Variants in FAR1 observed in about 807,000 individuals in gnomAD.
The protein encoded by FAR1 is male sterility domain-containing protein 2.
FAR1 carries 22 observed loss-of-function variants against 61.1 expected under a neutral mutation model. The observed-to-expected ratio is 0.36, with a 90% CI of 0.26 to 0.51. The LOEUF is 0.51. FAR1 is among the 20% of genes least tolerant of loss of function. FAR1 has a pLI of 0.95. For missense variants in FAR1, 359 were observed against 626.9 expected (o/e 0.57, Z 4.56); for synonymous variants, 206 against 209.7 (o/e 0.98, Z 0.15).
At chr11:13,681,967 A>G (rs1029353086) in intron 1 of FAR1, among the ~76,000 whole-genome samples, 3 of 152,168 alleles carry the variant, frequency 2.0e-5, no homozygotes, top group African/African-American at 7.2e-5. Context: ...TGACAGGATT[A>G]TGTTATGTGC....
rs375685986 is a variant in FAR1 at position 13,674,308 on chromosome 11, CAAAAAAAA to C, written c.-8+5511_-8+5518del. ...TGGACAACAGAGCAAGACTCCGTCT[CAAAAAAAA>C]AAAAAAAAGAAAAAAAGAAAATTCA... On this transcript the variant is annotated intron_variant, in intron 1 of 11. Transcript: ENST00000354817. Among the ~76,000 whole-genome samples, 260 of 69,424 alleles carry C rather than the reference CAAAAAAAA, an allele frequency of 3.7e-3. 1 individual carries two copies. Among genetic ancestry groups the C allele is most frequent in the Middle Eastern group, 0.021 (2 of 94 alleles). 45.5% of individuals were successfully genotyped at this position (69,424 alleles called of 152,430 possible).
intron 1 of FAR1, among the ~76,000 whole-genome samples, chr11:13,675,351 C>G (rs143865404): frequency 6.6e-6 from 1 of 152,248 alleles, no homozygotes; most frequent in African/African-American, 2.4e-5. Context: ...AGAACTTAAA[C>G]AAGTGGCGAT....
intron 1 of FAR1, among the ~76,000 whole-genome samples, chr11:13,691,922 C>T (rs982090223): frequency 1.3e-5 from 2 of 152,168 alleles, no homozygotes; most frequent in African/African-American, 4.8e-5. Context: ...AATCCTAGCA[C>T]TTTGGGAGGC....
chr11:13,671,825 G>A (rs1848008109), intron 1 of FAR1, among the ~76,000 whole-genome samples: 1 of 152,178 alleles, frequency 6.6e-6, no homozygotes, highest in Non-Finnish European at 1.5e-5. Flanking sequence ...GCCAGGCACT[G>A]TAGTAAGTGC....
chr11:13,717,716 T>C (rs530197190), intron 9 of FAR1, among the ~76,000 whole-genome samples: 4 of 152,176 alleles, frequency 2.6e-5, no homozygotes, highest in Non-Finnish European at 5.9e-5. Context: ...ACATGCGGTT[T>C]TTGTTGAAGC....
In FAR1 at chr11:13,723,172, C is replaced by T. The variant is rs576296662; in HGVS notation, c.1257+1313C>T. Among the ~76,000 whole-genome samples, 6 of 151,696 alleles carry T rather than the reference C, an allele frequency of 4.0e-5. No homozygotes were observed. In the East Asian group the frequency reaches 7.8e-4, roughly 20 times the overall value. ...TCGAGGCCAGGAGTTCAAGACCAGC[C>T]TGGGCAATGTAGCGAGACCCATCTC... On this transcript the variant is annotated intron_variant, in intron 10 of 11. Coordinates refer to ENST00000354817, the MANE Select transcript of FAR1 (RefSeq NM_032228.6).
intron 8 of FAR1, among the ~76,000 whole-genome samples, chr11:13,714,147 A>T (rs956893649): frequency 1.3e-5 from 2 of 151,604 alleles, no homozygotes; most frequent in Non-Finnish European, 2.9e-5. Flanking sequence ...TTTTTAAGTA[A>T]GTACAGTAAT....
At chr11:13,684,269 A>C (rs149018101) in intron 1 of FAR1, among the ~76,000 whole-genome samples, 3 of 152,014 alleles carry the variant, frequency 2.0e-5, no homozygotes, top group African/African-American at 4.8e-5. Flanking sequence ...AAGAAATGGA[A>C]TGAATTTAAG....
chr11:13,722,523 G>C (rs967162907), intron 10 of FAR1, among the ~76,000 whole-genome samples: 1 of 151,430 alleles, frequency 6.6e-6, no homozygotes, highest in Non-Finnish European at 1.5e-5. Flanking sequence ...GCCCAGGCTG[G>C]AGTGCAATGG....
Position 13,710,725 on chromosome 11 carries a change from C to G in FAR1, c.578C>G (p.Thr193Arg). ...WMDDGLVNDI[T>R]PKLIGDRPNT... ...GATGATGGCCTAGTAAATGATATCA[C>G]GCCAAAATTGATAGGAGACAGACCT... Residue 193 changes from threonine to arginine, a missense_variant, in exon 5 of 12, where the codon ACG (threonine) becomes AGG (arginine). Coordinates refer to ENST00000354817, the MANE Select transcript of FAR1 (RefSeq NM_032228.6). The G allele has an allele frequency of 6.2e-7, 1 of 1,600,604 alleles. No individual in the cohort carries two copies. Among genetic ancestry groups the G allele is most frequent in the Non-Finnish European group, 8.5e-7 (1 of 1,176,560 alleles).
At chr11:13,692,300 A>G (rs117739394) in intron 1 of FAR1, among the ~76,000 whole-genome samples, 5,296 of 152,332 alleles carry the variant, frequency 0.035, 137 homozygotes, top group South Asian at 0.096. Flanking sequence ...GAACAATGAA[A>G]TGCTTCTGGT....
At chr11:13,718,740 T>C (rs1041160433) in intron 9 of FAR1, among the ~76,000 whole-genome samples, 8 of 152,208 alleles carry the variant, frequency 5.3e-5, no homozygotes, top group African/African-American at 1.9e-4. Flanking sequence ...CTAGAAGGGT[T>C]AGCTTGATGG....
intron 1 of FAR1, among the ~76,000 whole-genome samples, chr11:13,682,859 AC>A (rs1565339729): frequency 6.6e-6 from 1 of 151,428 alleles, no homozygotes; most frequent in Non-Finnish European, 1.5e-5. Flanking sequence ...CAATCTGCCC[AC>A]CTTGGCCTCT....
intron 1 of FAR1, among the ~76,000 whole-genome samples, chr11:13,684,283 TA>T (rs34371057): frequency 0.032 from 4,891 of 152,282 alleles, 113 homozygotes; most frequent in Non-Finnish European, 0.047. Flanking sequence ...ATTTAAGTAA[TA>T]AAGATTAGTA....
intron 9 of FAR1, chr11:13,720,203 A>G (rs367558982): frequency 9.9e-5 from 15 of 152,208 alleles, no homozygotes; most frequent in African/African-American, 3.1e-4. Flanking sequence ...ATCTGAAGAT[A>G]AGATTAGGTG....
intron 3 of FAR1, among the ~76,000 whole-genome samples, chr11:13,703,068 T>C (rs1848394570): frequency 6.6e-6 from 1 of 152,254 alleles, no homozygotes; most frequent in South Asian, 2.1e-4. Flanking sequence ...GCAATTTTAA[T>C]GGATGTTGAC....
intron 1 of FAR1, among the ~76,000 whole-genome samples, chr11:13,694,067 A>G (rs1297318505): frequency 6.6e-6 from 1 of 152,174 alleles, no homozygotes; most frequent in Non-Finnish European, 1.5e-5. Flanking sequence ...TAGTGACATA[A>G]TACATGAATT....
Position 13,730,580 on chromosome 11 carries a change from G to A in FAR1, c.*1806G>A, listed in dbSNP as rs1384105828. ...CATTGAGTACTCCATCTCTCCAAAT[G>A]TATTTCCATAATGTGTTGAAAACAT... is the stretch of plus-strand genomic sequence containing the variant. On this transcript the variant is annotated 3_prime_UTR_variant, in exon 12 of 12. Transcript: ENST00000354817. 1.3e-5 allele frequency: 2 copies of A among 151,984 alleles called. No homozygotes were observed. The highest frequency in any genetic ancestry group is 1.5e-5 in the Non-Finnish European group (1 of 67,930). 9.4% of individuals were successfully genotyped at this position (151,984 alleles called of 1,614,324 possible).
At chr11:13,699,434 G>A (rs1054543502) in intron 2 of FAR1, among the ~76,000 whole-genome samples, 5 of 152,194 alleles carry the variant, frequency 3.3e-5, no homozygotes, top group Non-Finnish European at 7.3e-5. Context: ...GGAGCGGGAA[G>A]ACTGTTTATA....
Sources: allele counts gnomAD v4.1 joint callset (sites outside exome capture counted in the v4.1 genomes callset), GRCh38; gene constraint gnomAD v4.1.1; transcripts MANE v1.5; gene names NCBI Gene and HGNC (gene_info 2026-07-23, HGNC 2026-07-21).